GDPD4: variants seen among roughly 807,000 people sequenced by gnomAD.
The protein encoded by GDPD4 is glycerophosphodiester phosphodiesterase 6.
GDPD4 carries 60 observed loss-of-function variants against 67.8 expected under a neutral mutation model. The observed-to-expected ratio is 0.88, with a 90% CI of 0.72 to 1.10. The LOEUF is 1.10. Ranked by LOEUF, GDPD4 falls within the 50% of genes least tolerant of loss-of-function variation. GDPD4 has a pLI of 0.00. For missense variants in GDPD4, 623 were observed against 613.9 expected (o/e 1.01, Z -0.16); for synonymous variants, 212 against 210.9 (o/e 1.00, Z -0.04).
At chr11:77,254,274 C>T (rs773849068) in intron 11 of GDPD4, among the ~76,000 whole-genome samples, 4 of 152,038 alleles carry the variant, frequency 2.6e-5, no homozygotes, top group Non-Finnish European at 5.9e-5. Context: ...CTCTTGCCTA[C>T]CTTTTCACCA....
At position 77,268,393 on chromosome 11, in the gene GDPD4, G is replaced by A. The variant is rs941664126; in HGVS notation, c.707+64C>T. 37 of 1,106,536 alleles carry A rather than the reference G, an allele frequency of 3.3e-5. No individual in the cohort carries two copies. The African/African-American group carries it at 5.8e-4, about 17-fold the overall frequency. 68.5% of individuals were successfully genotyped at this position (1,106,536 alleles called of 1,614,324 possible). ...TGTCTCTACAACCTCAGGCCAGGCT[G>A]GTTCTCTTGCATGGCATTGAACTTA... On this transcript the variant is annotated intron_variant, in intron 10 of 16. Coordinates refer to ENST00000315938, the MANE Select transcript of GDPD4 (RefSeq NM_182833.3).
chr11:77,277,397 T>TTTTTTTTTTTTTA, intron 4 of GDPD4, among the ~76,000 whole-genome samples: 1 of 101,864 alleles, frequency 9.8e-6, no homozygotes, highest in African/African-American at 3.6e-5. Context: ...TTTCCTTTTT[T>TTTTTTTTTTTTTA]TTTTTTTTTT....
At chr11:77,224,328 C>G (rs770409477) in intron 16 of GDPD4, 9 of 152,254 alleles carry the variant, frequency 5.9e-5, no homozygotes, top group Non-Finnish European at 1.0e-4. Context: ...CATCTTGGAA[C>G]AGACCTCAGG....
chr11:77,233,667 A>AT (rs2135831646), intron 13 of GDPD4, among the ~76,000 whole-genome samples: 1 of 152,266 alleles, frequency 6.6e-6, no homozygotes, highest in Admixed American at 6.5e-5. Flanking sequence ...CTATCAGAGC[A>AT]CTTATCACCC....
In GDPD4 at chr11:77,216,920, T is replaced by G; in HGVS notation, c.*357A>C. 1.4e-6 allele frequency: 1 copy of G among 700,164 alleles called. No homozygotes were observed. The highest frequency in any genetic ancestry group is 2.6e-6 in the Non-Finnish European group (1 of 383,816). 43.4% of individuals were successfully genotyped at this position (700,164 alleles called of 1,614,324 possible). A position where few individuals can be genotyped will look rare whatever the true frequency, so the allele number is the denominator to read the frequency against. On this transcript the variant is annotated 3_prime_UTR_variant, in exon 17 of 17. Coordinates refer to ENST00000315938, the MANE Select transcript of GDPD4 (RefSeq NM_182833.3). ...TTTGGAGTATTCAGCCATGGGGATCTCTTAGAGGTCTCTTATTTAAGGATA... is the reference window on the plus strand; with the variant it reads ...TTTGGAGTATTCAGCCATGGGGATCGCTTAGAGGTCTCTTATTTAAGGATA...
intron 1 of GDPD4, among the ~76,000 whole-genome samples, chr11:77,297,449 T>C (rs921039754): frequency 2.7e-5 from 4 of 148,124 alleles, no homozygotes; most frequent in Admixed American, 6.9e-5. Context: ...GGCAGGAGAA[T>C]GGCGTGAACC....
intron 11 of GDPD4, among the ~76,000 whole-genome samples, chr11:77,247,341 T>C (rs553891029): frequency 3.3e-5 from 5 of 152,224 alleles, no homozygotes; most frequent in Middle Eastern, 3.4e-3. Context: ...GTGAGAAAAA[T>C]TGTTAAAAGA....
rs886966348 is a variant in GDPD4, at chr11:77,297,062, A to AAC, written c.-254+4542_-254+4543insGT. ...GAGGGAGACTGCCTCAAAAAAAACA[A>AAC]AAAAAAAAAAACAAAAAAATTCCTT... is the stretch of plus-strand genomic sequence containing the variant. On this transcript the variant is annotated intron_variant, in intron 1 of 16. Coordinates refer to ENST00000315938, the MANE Select transcript of GDPD4 (RefSeq NM_182833.3). Among the ~76,000 whole-genome samples the AAC allele has an allele frequency of 4.3e-5, 6 of 138,006 alleles. No individual in the cohort carries two copies. In the South Asian group the frequency reaches 6.3e-4, roughly 15 times the overall value. The allele number at this position is 138,006 out of a possible 152,430, so 90.5% of individuals were successfully genotyped here.
intron 2 of GDPD4, among the ~76,000 whole-genome samples, chr11:77,286,032 G>A (rs780152935): frequency 8.5e-5 from 13 of 152,138 alleles, no homozygotes; most frequent in Non-Finnish European, 1.6e-4. Context: ...TTCCCAACAT[G>A]GCAGAAGTCA....
rs565369690 is a variant in GDPD4 at position 77,263,887 on chromosome 11, T to A, written c.707+4570A>T. ...CTTAAAAAGTTAGGCGGAGACTGCA[T>A]TAGTAGAGAGGGAGTAAGAGCAATA... On this transcript the variant is annotated intron_variant, in intron 10 of 16. Coordinates refer to ENST00000315938, the MANE Select transcript of GDPD4 (RefSeq NM_182833.3). Among the ~76,000 whole-genome samples, 52 of 152,248 alleles carry A rather than the reference T, an allele frequency of 3.4e-4. 1 individual carries two copies. The South Asian group carries it at 0.011, about 32-fold the overall frequency.
Position 77,228,473 on chromosome 11 carries a change from C to G in GDPD4, c.1473-557G>C, listed in dbSNP as rs1311866710. Among the ~76,000 whole-genome samples the G allele has an allele frequency of 4.5e-5, 5 of 111,926 alleles. No homozygotes were observed. In the Admixed American group the frequency reaches 5.3e-4, roughly 12 times the overall value. The allele number at this position is 111,926 out of a possible 152,430, so 73.4% of individuals were successfully genotyped here. On this transcript the variant is annotated intron_variant, in intron 15 of 16. Coordinates refer to ENST00000315938, the MANE Select transcript of GDPD4 (RefSeq NM_182833.3). ...CGAGATCGTGACACTATACTCCAGC[C>G]TGGGTGACAGAGCAAGACTCCGTCT...
intron 10 of GDPD4, among the ~76,000 whole-genome samples, chr11:77,261,211 C>G (rs150658788): frequency 2.0e-5 from 3 of 151,612 alleles, no homozygotes; most frequent in Admixed American, 2.0e-4. Context: ...CCTGCTTCCA[C>G]GTTAACTGAA....
chr11:77,232,959 C>G, intron 14 of GDPD4, 66 bp downstream of exon 14: 1 of 1,520,024 alleles, frequency 6.6e-7, no homozygotes, highest in Non-Finnish European at 9.1e-7. Context: ...GTGGGCAACA[C>G]AGGGCTGGGG....
intron 14 of GDPD4, among the ~76,000 whole-genome samples, chr11:77,232,665 A>T (rs1958475915): frequency 1.3e-5 from 2 of 152,210 alleles, no homozygotes; most frequent in South Asian, 4.1e-4. Context: ...ACAGTAACAA[A>T]ACTCTGAAGT....
Position 77,225,406 on chromosome 11 carries a change from TGAAGAAA to T in GDPD4, c.1525+2451_1525+2457del, listed in dbSNP as rs1264423594. Among the ~76,000 whole-genome samples, 47 of 152,174 alleles carry T rather than the reference TGAAGAAA, an allele frequency of 3.1e-4. No individual in the cohort carries two copies. The East Asian group carries it at 6.4e-3, about 21-fold the overall frequency. On this transcript the variant is annotated intron_variant, in intron 16 of 16. Transcript: ENST00000315938. ...GGTGGAGCAGAGGCAGAAAAATATT[TGAAGAAA>T]TAAAGACTAAAATTATGTCCAATTT...
Position 77,227,859 on chromosome 11 carries a change from T to G in GDPD4, c.1525+5A>C, listed in dbSNP as rs757017753. On this transcript the variant is annotated splice_donor_5th_base_variant and intron_variant, in intron 16 of 16. Coordinates refer to ENST00000315938, the MANE Select transcript of GDPD4 (RefSeq NM_182833.3). ...GACAGGAGTGGGCTAGGCCTCTGAC[T>G]TTACCTGTGCGAGTGCTGGAGGTTT... The G allele has an allele frequency of 6.2e-7, 1 of 1,610,958 alleles. No homozygotes were observed. Among genetic ancestry groups the G allele is most frequent in the East Asian group, 2.2e-5 (1 of 44,842 alleles).
In GDPD4 at chr11:77,271,208, C is replaced by A. The variant is rs756752584; in HGVS notation, c.322G>T (p.Val108Leu). 1.9e-6 allele frequency: 3 copies of A among 1,613,098 alleles called. No homozygotes were observed. Among genetic ancestry groups the A allele is most frequent in the East Asian group, 4.5e-5 (2 of 44,874 alleles). Residue 108 changes from valine (V) to leucine (L), a missense_variant, in exon 7 of 17, where the codon GTG (valine) becomes TTG (leucine). Val to Leu is a conservative substitution (Grantham distance 32). Transcript: ENST00000315938. Reference sequence around the variant, plus strand: ...ATCACAGTTATGCTGACCAGGTGCACGTAGGGAGCAAAGATCTGTGAGAAA... The same window carrying A: ...ATCACAGTTATGCTGACCAGGTGCAAGTAGGGAGCAAAGATCTGTGAGAAA... ...GLSMQIFAPY[V>L]HLVSITVMVI...
At position 77,233,144 on chromosome 11, in the gene GDPD4, T is replaced by G. The variant is rs949843019; in HGVS notation, c.1270A>C (p.Asn424His). The G allele has an allele frequency of 6.2e-7, 1 of 1,613,782 alleles. No homozygotes were observed. Among genetic ancestry groups the G allele is most frequent in the Non-Finnish European group, 8.5e-7 (1 of 1,179,846 alleles). The change falls in exon 14 of 17, where the codon AAC becomes CAC. Residue 424 changes from asparagine (N) to histidine (H), a missense_variant. By Grantham distance (68) the Asn-to-His change is moderately conservative. Coordinates refer to ENST00000315938, the MANE Select transcript of GDPD4 (RefSeq NM_182833.3). The part of the protein sequence containing the change: ...RDYKAANIHI[N>H]VYTVNEPWLF... ...CAAGGCTCATTGACGGTGTATACGT[T>G]GATATGGATGTTAGCTGCTTTATAA... is the stretch of plus-strand genomic sequence containing the variant.
chr11:77,295,471 A>G (rs1363800016), intron 1 of GDPD4, among the ~76,000 whole-genome samples: 1 of 152,010 alleles, frequency 6.6e-6, no homozygotes, highest in African/African-American at 2.4e-5. Flanking sequence ...ATCTCTACAG[A>G]AAATACAAAA....
Sources: gnomAD v4.1 joint callset for allele counts (sites outside exome capture counted in the v4.1 genomes callset) on GRCh38, gnomAD v4.1.1 for gene constraint, MANE v1.5 for transcripts, NCBI Gene and HGNC (gene_info 2026-07-23, HGNC 2026-07-21) for gene names.